The following GNAQ variants were observed in gnomAD, a reference collection of about 807,000 sequenced individuals.
GNAQ encodes the protein G protein subunit alpha q.
A neutral mutation model predicts 43.9 loss-of-function variants in GNAQ; 8 were observed. The ratio of observed to expected loss-of-function variants is 0.18; its 90% CI spans 0.11 to 0.33. The LOEUF is 0.33. GNAQ is among the 10% of genes least tolerant of loss of function. GNAQ has a pLI of 1.00. For synonymous variants in GNAQ, 155 were observed against 170.7 expected, an observed-to-expected ratio of 0.91 and a Z score of 0.71; for missense variants, 158 against 450.8, an observed-to-expected ratio of 0.35 and a Z score of 5.88.
intron 5 of GNAQ, among the ~76,000 whole-genome samples, chr9:77,779,680 C>CAAAAAAAA (rs58014303): frequency 6.3e-5 from 6 of 95,938 alleles, no homozygotes; most frequent in Non-Finnish European, 1.0e-4. Flanking sequence ...AAAAACAAAA[C>CAAAAAAAA]AAAAAAAAAA....
chr9:77,984,988 A>G (rs1323459039), intron 1 of GNAQ, among the ~76,000 whole-genome samples: 2 of 152,178 alleles, frequency 1.3e-5, no homozygotes, highest in Non-Finnish European at 2.9e-5. Context: ...TGGCATGGAC[A>G]TACACTAGTT....
chr9:77,745,471 G>GA (rs896071717), intron 5 of GNAQ, among the ~76,000 whole-genome samples: 25 of 148,166 alleles, frequency 1.7e-4, no homozygotes, highest in South Asian at 4.3e-4. Flanking sequence ...CTTTAAAGTG[G>GA]AAAAAAAAAA....
At chr9:77,915,103 G>C (rs537253559) in intron 2 of GNAQ, among the ~76,000 whole-genome samples, 2 of 152,310 alleles carry the variant, frequency 1.3e-5, no homozygotes, top group Admixed American at 1.3e-4. Flanking sequence ...AAACAGTGTT[G>C]AGAAGAATTT....
At chr9:77,735,973 A>G (rs1470952836) in intron 5 of GNAQ, among the ~76,000 whole-genome samples, 2 of 152,320 alleles carry the variant, frequency 1.3e-5, no homozygotes, top group African/African-American at 4.8e-5. Context: ...TGGCCTGAGC[A>G]CACAGTAGCC....
intron 1 of GNAQ, among the ~76,000 whole-genome samples, chr9:77,926,987 G>A (rs1307856390): frequency 6.6e-6 from 1 of 152,144 alleles, no homozygotes; most frequent in Admixed American, 6.5e-5. Flanking sequence ...CCTTCCATCA[G>A]AACAAACATC....
At chr9:77,888,607 T>A (rs1034673504) in intron 2 of GNAQ, among the ~76,000 whole-genome samples, 4 of 152,168 alleles carry the variant, frequency 2.6e-5, no homozygotes, top group Non-Finnish European at 5.9e-5. Context: ...TGAGTTATCC[T>A]AAGGTTGGAG....
At chr9:77,892,046 G>A (rs1234282060) in intron 2 of GNAQ, among the ~76,000 whole-genome samples, 1 of 151,960 alleles carries the variant, frequency 6.6e-6, no homozygotes, top group Non-Finnish European at 1.5e-5. Flanking sequence ...TTTTTTGTTT[G>A]TTTGTTTGCT....
At chr9:77,868,259 A>G (rs1260358440) in intron 2 of GNAQ, among the ~76,000 whole-genome samples, 1 of 152,226 alleles carries the variant, frequency 6.6e-6, no homozygotes. Context: ...CAATACAAAC[A>G]TTCTTGGTGT....
chr9:77,993,469 C>A (rs1343922199), intron 1 of GNAQ, among the ~76,000 whole-genome samples: 2 of 151,962 alleles, frequency 1.3e-5, no homozygotes, highest in East Asian at 1.9e-4. Context: ...GAGGCTGAGG[C>A]GGGCAGATCA....
chr9:77,721,967 C>A (rs996379452), intron 6 of GNAQ, among the ~76,000 whole-genome samples: 1 of 152,164 alleles, frequency 6.6e-6, no homozygotes, highest in African/African-American at 2.4e-5. Flanking sequence ...GATCATTTTA[C>A]ATCTTCCAGA....
chr9:77,996,454 C>T lies in GNAQ; in HGVS notation c.136+34646G>A, dbSNP rs549715817. Among the ~76,000 whole-genome samples, 31 of 151,956 alleles carry T rather than the reference C, an allele frequency of 2.0e-4. No individual in the cohort carries two copies. The East Asian group carries it at 5.0e-3, about 25-fold the overall frequency. ...CAGCACTTTGGGAAGCCGAGGCGGG[C>T]GGATCACGAGGTCAGGAATTCGAGA... On this transcript the variant is annotated intron_variant, in intron 1 of 6. Transcript: ENST00000286548.
chr9:77,953,051 T>C (rs1027501249), intron 1 of GNAQ, among the ~76,000 whole-genome samples: 1 of 152,218 alleles, frequency 6.6e-6, no homozygotes, highest in African/African-American at 2.4e-5. Flanking sequence ...TATCATGTTG[T>C]GTTCAGTTCC....
At chr9:77,907,974 C>T (rs1050818868) in intron 2 of GNAQ, among the ~76,000 whole-genome samples, 3 of 152,110 alleles carry the variant, frequency 2.0e-5, no homozygotes, top group African/African-American at 7.2e-5. Context: ...GGAATTAAGC[C>T]TAATTCTGGG....
At position 77,872,356 on chromosome 9, in the gene GNAQ, T is replaced by C. The variant is rs1458585198; in HGVS notation, c.321+49805A>G. 2.6e-5 allele frequency among the ~76,000 whole-genome samples: 4 copies of C among 152,206 alleles called. No individual in the cohort carries two copies. The East Asian group carries it at 7.7e-4, about 29-fold the overall frequency. Reference sequence around the variant, plus strand: ...AGCTTAGAAGCAAAAAAAATAATCATTTCTTTTGTTTCTGTTAGCATCTCA... The same window carrying C: ...AGCTTAGAAGCAAAAAAAATAATCACTTCTTTTGTTTCTGTTAGCATCTCA... On this transcript the variant is annotated intron_variant, in intron 2 of 6. Transcript: ENST00000286548.
intron 5 of GNAQ, among the ~76,000 whole-genome samples, chr9:77,777,668 G>T (rs769886599): frequency 6.6e-6 from 1 of 152,000 alleles, no homozygotes; most frequent in Non-Finnish European, 1.5e-5. Context: ...AAAATAGGCA[G>T]AGGATCTAAA....
intron 5 of GNAQ, among the ~76,000 whole-genome samples, chr9:77,749,081 C>A (rs1479002663): frequency 1.3e-5 from 2 of 152,194 alleles, no homozygotes; most frequent in African/African-American, 4.8e-5. Flanking sequence ...TACCTCCCTG[C>A]CCCATGTTCT....
chr9:77,936,250 A>G lies in GNAQ; in HGVS notation c.137-13905T>C, dbSNP rs530056221. 2.6e-5 allele frequency among the ~76,000 whole-genome samples: 4 copies of G among 152,308 alleles called. No individual in the cohort carries two copies. In the East Asian group the frequency reaches 7.7e-4, roughly 29 times the overall value. On this transcript the variant is annotated intron_variant, in intron 1 of 6. Transcript: ENST00000286548. Reference sequence around the variant, plus strand: ...TCCAAGAAGCAAAAACTAGAGTTAAAGGGGAAGAGATATCATAACCCAAGA... The same window carrying G: ...TCCAAGAAGCAAAAACTAGAGTTAAGGGGGAAGAGATATCATAACCCAAGA...
intron 1 of GNAQ, among the ~76,000 whole-genome samples, chr9:78,021,188 G>A (rs912603566): frequency 5.9e-5 from 9 of 151,566 alleles, no homozygotes; most frequent in African/African-American, 2.2e-4. Flanking sequence ...CCCACGCCCA[G>A]CTAATTTTTG....
intron 1 of GNAQ, among the ~76,000 whole-genome samples, chr9:78,004,597 C>A (rs1045519494): frequency 2.0e-5 from 3 of 152,106 alleles, no homozygotes; most frequent in African/African-American, 7.2e-5. Context: ...TAATAATGCA[C>A]CTTTATTGGC....
Sources: allele counts gnomAD v4.1 joint callset (sites outside exome capture counted in the v4.1 genomes callset), GRCh38; gene constraint gnomAD v4.1.1; transcripts MANE v1.5; gene names NCBI Gene and HGNC (gene_info 2026-07-23, HGNC 2026-07-21).